CTDP1: variants seen among roughly 807,000 people sequenced by gnomAD.
CTDP1 encodes the protein CTD phosphatase 1, also known as RNA polymerase II subunit A C-terminal domain phosphatase.
In CTDP1, 47 loss-of-function variants were observed where a neutral mutation model predicts 91.8. The observed-to-expected ratio is 0.51, with a 90% CI of 0.41 to 0.65. The LOEUF (loss-of-function observed/expected upper bound fraction) is 0.65. Ranked by LOEUF, CTDP1 falls within the 30% of genes least tolerant of loss-of-function variation. CTDP1 has a pLI of 0.00. For synonymous variants in CTDP1, 656 were observed against 598.5 expected, an observed-to-expected ratio of 1.10 and a Z score of -1.40; for missense variants, 1,272 against 1,373.7, an observed-to-expected ratio of 0.93 and a Z score of 1.17.
rs763209974 is a variant in CTDP1 at position 79,736,500 on chromosome 18, C to T, written c.2726C>T (p.Ala909Val). The change falls in exon 12 of 13, where the codon GCG becomes GTG. Residue 909 changes from alanine (A) to valine (V), a missense_variant. This residue lies in a region of CTDP1 where 881 missense variants were observed against 911.6 expected (regional missense o/e 0.97). Coordinates refer to ENST00000613122, the MANE Select transcript of CTDP1 (RefSeq NM_004715.5). ...LGAPASSERS[A>V]AGGRGPRGHK... is the part of the protein sequence containing the mutation. ...GCACCTGCGTCCAGCGAGAGGAGCG[C>T]GGCAGGGGGCCGGGGGCCCAGGTGA... is the stretch of plus-strand genomic sequence containing the variant. 5.1e-5 allele frequency: 79 copies of T among 1,545,684 alleles called. 2 individuals are homozygous for T. In the East Asian group the frequency reaches 1.1e-3, roughly 22 times the overall value.
Position 79,736,522 on chromosome 18 carries a change from G to C in CTDP1, c.2747+1G>C. On this transcript the variant is annotated splice_donor_variant, in intron 12 of 12. Transcript: ENST00000613122. LOFTEE classifies it high-confidence loss of function. ...GCGCGGCAGGGGGCCGGGGGCCCAG[G>C]TGAGTGCGGGGTCTGAGGTGGGAGG... is the stretch of plus-strand genomic sequence containing the variant. The C allele has an allele frequency of 6.5e-7, 1 of 1,542,532 alleles. No individual in the cohort carries two copies. The highest frequency in any genetic ancestry group is 8.7e-7 in the Non-Finnish European group (1 of 1,142,992).
chr18:79,710,297 C>T lies in CTDP1; in HGVS notation c.773-49C>T, dbSNP rs761752679. 6.1e-6 allele frequency: 9 copies of T among 1,467,314 alleles called. No homozygotes were observed. The Admixed American group carries it at 1.3e-4, about 22-fold the overall frequency. The allele number at this position is 1,467,314 out of a possible 1,614,324, so 90.9% of individuals were successfully genotyped here. On this transcript the variant is annotated intron_variant, in intron 5 of 12. Transcript: ENST00000613122. Reference sequence around the variant, plus strand: ...CAAGGCTTCACCATGTGCCGTGTGACCGAAACGTGTCTCAGGTATGTAATC... The same window carrying T: ...CAAGGCTTCACCATGTGCCGTGTGATCGAAACGTGTCTCAGGTATGTAATC...
In CTDP1 at chr18:79,736,838, G is replaced by T. The variant is rs184507104; in HGVS notation, c.2747+317G>T. Among the ~76,000 whole-genome samples, 493 of 151,110 alleles carry T rather than the reference G, an allele frequency of 3.3e-3. 2 individuals are homozygous for T. The highest frequency in any genetic ancestry group is 5.0e-3 in the Non-Finnish European group (342 of 67,782). Reference sequence around the variant, plus strand: ...GGGGTATGCACGTGTGCGCAGGCATGTGTGAGGTGTCTACAGGCGTGTGTG... The same window carrying T: ...GGGGTATGCACGTGTGCGCAGGCATTTGTGAGGTGTCTACAGGCGTGTGTG... On this transcript the variant is annotated intron_variant, in intron 12 of 12. Coordinates refer to ENST00000613122, the MANE Select transcript of CTDP1 (RefSeq NM_004715.5).
chr18:79,714,858 C>T lies in CTDP1; in HGVS notation c.1398C>T (p.Gly466=), dbSNP rs765910020. ...GCGAGAGCAGCAGTGAGTCCGAGGG[C>T]ACGAAGTCCTCCTCCTCCGCCTCTG... The part of the protein sequence containing the change: ...SDSESSSESE[G]TKSSSSASDG... Residue 466 remains glycine, a synonymous_variant, in exon 8 of 13, where the codon GGC becomes GGT. Coordinates refer to ENST00000613122, the MANE Select transcript of CTDP1 (RefSeq NM_004715.5). 3.8e-6 allele frequency: 6 copies of T among 1,588,584 alleles called. No homozygotes were observed. The highest frequency in any genetic ancestry group is 1.1e-5 in the South Asian group (1 of 87,592).
upstream of CTDP1, chr18:79,677,658 T>A (rs1956548831): frequency 6.6e-6 from 1 of 152,214 alleles, no homozygotes; most frequent in Admixed American, 6.5e-5. Context: ...GAACCAGGAG[T>A]TCATGGGAAT....
chr18:79,704,735 T>C (rs376592984), intron 4 of CTDP1, 32 bp from the exon 5 acceptor site: 92 of 1,612,110 alleles, frequency 5.7e-5, no homozygotes, highest in Non-Finnish European at 7.7e-5. Context: ...CCTCAGGCCT[T>C]TTCTCCCGAC....
intron 10 of CTDP1, among the ~76,000 whole-genome samples, chr18:79,725,594 A>G (rs1314043315): frequency 6.7e-6 from 1 of 150,330 alleles, no homozygotes; most frequent in Non-Finnish European, 1.5e-5. Flanking sequence ...ATTATTTCTT[A>G]TGACTTTTGT....
At position 79,736,376 on chromosome 18, in the gene CTDP1, G is replaced by A. The variant is rs1415229126; in HGVS notation, c.2602G>A (p.Gly868Ser). 3 of 1,549,356 alleles carry A rather than the reference G, an allele frequency of 1.9e-6. No homozygotes were observed. Among genetic ancestry groups the A allele is most frequent in the Non-Finnish European group, 2.6e-6 (3 of 1,146,998 alleles). Residue 868 changes from glycine to serine, a missense_variant, in exon 12 of 13, where the codon GGC becomes AGC. By Grantham distance (56) the Gly-to-Ser change is moderately conservative. Around this residue, in one of 3 missense-constraint regions of CTDP1, gnomAD observed 881 missense variants for 911.6 expected, o/e 0.97. Coordinates refer to ENST00000613122, the MANE Select transcript of CTDP1 (RefSeq NM_004715.5). ...DKEVDDILGE[G>S]SDDSDSEKRR... ...TCAGGTGGACGACATCCTTGGAGAA[G>A]GCAGCGACGACAGCGACAGCGAGAA...
chr18:79,709,805 G>A (rs111263466), intron 5 of CTDP1, among the ~76,000 whole-genome samples: 13 of 152,222 alleles, frequency 8.5e-5, no homozygotes, highest in Non-Finnish European at 4.4e-5. Flanking sequence ...ACAACACAGA[G>A]TGTGAGTTTG....
At chr18:79,710,686 A>ATTTTT (rs11306504) in intron 6 of CTDP1, among the ~76,000 whole-genome samples, 41 of 88,502 alleles carry the variant, frequency 4.6e-4, no homozygotes, top group East Asian at 6.9e-4. Flanking sequence ...TCGCCCGGCA[A>ATTTTT]TTTTTTTTTT....
At chr18:79,707,215 C>T (rs1202700530) in intron 5 of CTDP1, among the ~76,000 whole-genome samples, 1 of 152,236 alleles carries the variant, frequency 6.6e-6, no homozygotes, top group Non-Finnish European at 1.5e-5. Context: ...CCACCCGTCA[C>T]ACCAGCAGGC....
intron 4 of CTDP1, among the ~76,000 whole-genome samples, chr18:79,702,139 T>C (rs1373621950): frequency 3.9e-5 from 6 of 152,234 alleles, no homozygotes; most frequent in Admixed American, 3.3e-4. Flanking sequence ...TCAAACAGCA[T>C]TGCATGCTAC....
chr18:79,688,753 G>T (rs2085560422), intron 1 of CTDP1, among the ~76,000 whole-genome samples: 1 of 151,980 alleles, frequency 6.6e-6, no homozygotes. Context: ...ACGTTGGCCA[G>T]GCTGGTCTGG....
At chr18:79,711,851 C>G (rs2086090723) in intron 6 of CTDP1, among the ~76,000 whole-genome samples, 1 of 152,250 alleles carries the variant, frequency 6.6e-6, no homozygotes, top group Non-Finnish European at 1.5e-5. Flanking sequence ...CGTTTCTTGC[C>G]CACTGTATTC....
At chr18:79,743,602 T>G (rs1348685432) in intron 12 of CTDP1, among the ~76,000 whole-genome samples, 2 of 147,682 alleles carry the variant, frequency 1.4e-5, no homozygotes, top group Admixed American at 6.8e-5. Context: ...CTGCTGTAAA[T>G]AATTACAACG....
intron 11 of CTDP1, among the ~76,000 whole-genome samples, chr18:79,731,078 C>T (rs2086556530): frequency 6.6e-6 from 1 of 152,180 alleles, no homozygotes; most frequent in East Asian, 1.9e-4. Context: ...CCCCCGTGGG[C>T]CTGTGAGACG....
At position 79,697,735 on chromosome 18, in the gene CTDP1, T is replaced by A. The variant is rs933268932; in HGVS notation, c.493-125T>A. On this transcript the variant is annotated intron_variant, in intron 3 of 12. Transcript: ENST00000613122. ...CTGCCTCTCGGCCTGTACGGCGCAG[T>A]CCATGGAGCGTGGGGGGCTGGAGGG... 3.5e-6 allele frequency: 5 copies of A among 1,429,688 alleles called. No homozygotes were observed. The African/African-American group carries it at 7.0e-5, about 20-fold the overall frequency. The allele number at this position is 1,429,688 out of a possible 1,614,324, so 88.6% of individuals were successfully genotyped here.
At chr18:79,694,618 G>T (rs1344739386) in intron 1 of CTDP1, among the ~76,000 whole-genome samples, 1 of 151,404 alleles carries the variant, frequency 6.6e-6, no homozygotes, top group Non-Finnish European at 1.5e-5. Context: ...GAGCAGCCCG[G>T]CTGGGGTGGG....
At chr18:79,698,068 T>G in intron 4 of CTDP1, 80 bp downstream of exon 4, 1 of 1,571,298 alleles carries the variant, frequency 6.4e-7, no homozygotes, top group Non-Finnish European at 8.7e-7. Flanking sequence ...TGTTCTCTTG[T>G]TTTTTAGATG....
Sources: allele counts gnomAD v4.1 joint callset (sites outside exome capture counted in the v4.1 genomes callset), GRCh38; gene constraint gnomAD v4.1.1; regional missense constraint gnomAD v4.1.1; transcripts MANE v1.5; gene names NCBI Gene and HGNC (gene_info 2026-07-23, HGNC 2026-07-21).